Variants in CDH18 observed in about 807,000 individuals in gnomAD.
CDH18 encodes the protein cadherin 18.
CDH18 carries 31 observed loss-of-function variants against 67.9 expected under a neutral mutation model. That is an observed-to-expected ratio of 0.46 (90% CI 0.34 to 0.62). The LOEUF (loss-of-function observed/expected upper bound fraction) is 0.62. CDH18 is among the 20% of genes least tolerant of loss of function. The pLI, the probability that CDH18 is intolerant of heterozygous loss-of-function variation, is 0.01. For missense variants in CDH18, 890 were observed against 975.5 expected, an observed-to-expected ratio of 0.91 and a Z score of 1.17; for synonymous variants, 362 against 347.2, an observed-to-expected ratio of 1.04 and a Z score of -0.48.
At position 19,809,567 on chromosome 5, in the gene CDH18, G is replaced by C. The variant is rs554191555; in HGVS notation, c.228+29192C>G. ...ACTATATACTCACCAGCTTTAAAAAGTAGCAAAGAATTTTGTGGTTATTAG... is the reference window on the plus strand; with the variant it reads ...ACTATATACTCACCAGCTTTAAAAACTAGCAAAGAATTTTGTGGTTATTAG... On this transcript the variant is annotated intron_variant, in intron 3 of 12. Transcript: ENST00000382275. Among the ~76,000 whole-genome samples, 2 of 152,202 alleles carry C rather than the reference G, an allele frequency of 1.3e-5. 1 individual carries two copies. The highest frequency in any genetic ancestry group is 3.9e-4 in the East Asian group (2 of 5,178).
intron 1 of CDH18, among the ~76,000 whole-genome samples, chr5:20,499,511 C>G (rs1754118439): frequency 6.6e-6 from 1 of 152,092 alleles, no homozygotes; most frequent in African/African-American, 2.4e-5. Flanking sequence ...CTTTGCCTCA[C>G]AATTCCAACT....
At chr5:19,654,588 GCCTAC>G (rs988781078) in intron 5 of CDH18, among the ~76,000 whole-genome samples, 1 of 152,096 alleles carries the variant, frequency 6.6e-6, no homozygotes, top group Non-Finnish European at 1.5e-5. Context: ...AAGGGGTGGT[GCCTAC>G]GACTCCTGAA....
intron 1 of CDH18, chr5:20,305,284 C>A (rs1736320799): frequency 1.4e-6 from 2 of 1,454,924 alleles, no homozygotes; most frequent in Admixed American, 1.7e-5. Flanking sequence ...ACTTTTAAAG[C>A]CTCCTCTACT....
At chr5:20,168,868 G>C (rs1009209586) in intron 2 of CDH18, among the ~76,000 whole-genome samples, 2 of 152,000 alleles carry the variant, frequency 1.3e-5, no homozygotes, top group Non-Finnish European at 2.9e-5. Flanking sequence ...AGATGATTAC[G>C]GTAAATGAAA....
At chr5:19,487,176 G>C (rs1740538192) in intron 11 of CDH18, among the ~76,000 whole-genome samples, 1 of 152,138 alleles carries the variant, frequency 6.6e-6, no homozygotes, top group Admixed American at 6.5e-5. Context: ...TTGAATAGCA[G>C]CTTTATTTTA....
At chr5:20,045,087 T>C (rs1740788723) in intron 2 of CDH18, among the ~76,000 whole-genome samples, 1 of 152,244 alleles carries the variant, frequency 6.6e-6, no homozygotes, top group Admixed American at 6.5e-5. Context: ...CTGTAAACAT[T>C]TGTACCATAA....
chr5:20,184,958 G>C (rs1401924480), intron 2 of CDH18, among the ~76,000 whole-genome samples: 1 of 152,006 alleles, frequency 6.6e-6, no homozygotes, highest in Non-Finnish European at 1.5e-5. Context: ...TCAGACCTCA[G>C]GGTCACCATC....
chr5:19,695,397 G>A (rs1018824881), intron 5 of CDH18, among the ~76,000 whole-genome samples: 1 of 152,114 alleles, frequency 6.6e-6, no homozygotes, highest in African/African-American at 2.4e-5. Context: ...TGAATATTAA[G>A]TATCAACTTG....
chr5:20,073,233 G>C (rs1000447756), intron 2 of CDH18, among the ~76,000 whole-genome samples: 1 of 151,912 alleles, frequency 6.6e-6, no homozygotes, highest in Non-Finnish European at 1.5e-5. Context: ...GATCTGATCT[G>C]TTATTTCTTA....
intron 2 of CDH18, among the ~76,000 whole-genome samples, chr5:20,024,071 T>C (rs1291372140): frequency 2.6e-5 from 4 of 152,232 alleles, no homozygotes; most frequent in Non-Finnish European, 5.9e-5. Flanking sequence ...GAATTCACCA[T>C]ATCCATCACA....
intron 5 of CDH18, among the ~76,000 whole-genome samples, chr5:19,617,972 T>C (rs1230191754): frequency 6.6e-6 from 1 of 152,220 alleles, no homozygotes; most frequent in Non-Finnish European, 1.5e-5. Context: ...AAATGTTTTC[T>C]TGCATTTTTA....
chr5:20,425,646 G>A (rs2150166805), intron 1 of CDH18, among the ~76,000 whole-genome samples: 1 of 150,868 alleles, frequency 6.6e-6, no homozygotes, highest in South Asian at 2.1e-4. Context: ...AGTTGCTTTT[G>A]GTGTGTAGCA....
intron 1 of CDH18, among the ~76,000 whole-genome samples, chr5:20,389,779 C>T (rs1007589356): frequency 1.3e-5 from 2 of 152,008 alleles, no homozygotes; most frequent in Admixed American, 1.3e-4. Context: ...GGTACTGGTA[C>T]CAAAACAGAG....
chr5:20,168,180 T>TA (rs1347426011), intron 2 of CDH18, among the ~76,000 whole-genome samples: 1 of 152,140 alleles, frequency 6.6e-6, no homozygotes, highest in Non-Finnish European at 1.5e-5. Context: ...CATTGCTAAT[T>TA]AAAAATAACA....
intron 1 of CDH18, among the ~76,000 whole-genome samples, chr5:20,407,933 T>G (rs545120929): frequency 6.6e-6 from 1 of 152,026 alleles, no homozygotes; most frequent in African/African-American, 2.4e-5. Flanking sequence ...CTCAATAAGA[T>G]AAAACCAAGG....
At chr5:20,497,255 T>C (rs62355184) in intron 1 of CDH18, among the ~76,000 whole-genome samples, 4,339 of 152,230 alleles carry the variant, frequency 0.029, 131 homozygotes, top group African/African-American at 0.079. Flanking sequence ...ATTTCTCTTA[T>C]AGTTCTTGTC....
At chr5:20,240,659 C>A (rs2126543671) in intron 2 of CDH18, among the ~76,000 whole-genome samples, 1 of 152,268 alleles carries the variant, frequency 6.6e-6, no homozygotes, top group South Asian at 2.1e-4. Context: ...TAATTATTCT[C>A]TTTTCTTCTT....
chr5:20,084,691 C>T (rs186494585), intron 2 of CDH18, among the ~76,000 whole-genome samples: 1 of 152,294 alleles, frequency 6.6e-6, no homozygotes, highest in East Asian at 1.9e-4. Context: ...TCCCAAACCT[C>T]AATTCTTGAC....
At chr5:20,070,021 C>G (rs921663593) in intron 2 of CDH18, among the ~76,000 whole-genome samples, 10 of 152,254 alleles carry the variant, frequency 6.6e-5, no homozygotes, top group Admixed American at 5.2e-4. Context: ...CATGCAAAGT[C>G]TTCTCACTGC....
Sources: allele counts gnomAD v4.1 joint callset (sites outside exome capture counted in the v4.1 genomes callset), GRCh38; gene constraint gnomAD v4.1.1; transcripts MANE v1.5; gene names NCBI Gene and HGNC (gene_info 2026-07-23, HGNC 2026-07-21).